Variants in VIPR2 observed in about 807,000 individuals in gnomAD.
VIPR2 encodes the protein vasoactive intestinal polypeptide receptor 2.
In VIPR2, 48 loss-of-function variants were observed where a neutral mutation model predicts 58.0. The ratio of observed to expected loss-of-function variants is 0.83; its 90% confidence interval spans 0.66 to 1.05. VIPR2 has a LOEUF of 1.05. VIPR2 is among the 50% of genes least tolerant of loss of function. The pLI, the probability that VIPR2 is intolerant of heterozygous loss-of-function variation, is 0.00. For missense variants in VIPR2, 534 were observed against 558.0 expected, an observed-to-expected ratio of 0.96 and a Z score of 0.43; for synonymous variants, 243 against 235.2, an observed-to-expected ratio of 1.03 and a Z score of -0.30.
intron 2 of VIPR2, among the ~76,000 whole-genome samples, chr7:159,132,714 C>T (rs1414575851): frequency 2.0e-5 from 3 of 152,144 alleles, no homozygotes; most frequent in Admixed American, 6.5e-5. Flanking sequence ...AACAAGGAAT[C>T]GTGAGTATCT....
At chr7:159,105,725 G>A (rs956109223) in intron 3 of VIPR2, among the ~76,000 whole-genome samples, 6 of 152,154 alleles carry the variant, frequency 3.9e-5, no homozygotes, top group African/African-American at 7.2e-5. Flanking sequence ...CCCCATACAC[G>A]GTAGAGGCAA....
At chr7:159,108,215 A>G (rs1250152470) in intron 3 of VIPR2, among the ~76,000 whole-genome samples, 1 of 152,202 alleles carries the variant, frequency 6.6e-6, no homozygotes, top group East Asian at 1.9e-4. Context: ...CTTCTGTGGT[A>G]CGATGCCAGG....
chr7:159,123,788 T>C (rs901776656), intron 2 of VIPR2, among the ~76,000 whole-genome samples: 1 of 152,236 alleles, frequency 6.6e-6, no homozygotes, highest in African/African-American at 2.4e-5. Flanking sequence ...TGTATTCCCT[T>C]TTCTCTGTAA....
At chr7:159,130,293 G>C (rs975781731) in intron 2 of VIPR2, among the ~76,000 whole-genome samples, 1 of 152,146 alleles carries the variant, frequency 6.6e-6, no homozygotes, top group East Asian at 1.9e-4. Flanking sequence ...GCTAATGAGA[G>C]ACCACCGGGC....
chr7:159,119,186 C>T (rs1428443475), intron 2 of VIPR2, among the ~76,000 whole-genome samples: 1 of 152,184 alleles, frequency 6.6e-6, no homozygotes, highest in Non-Finnish European at 1.5e-5. Context: ...CCGCAGCTCC[C>T]CGGGTGGACA....
At chr7:159,101,658 G>A (rs1359081726) in intron 4 of VIPR2, among the ~76,000 whole-genome samples, 4 of 141,416 alleles carry the variant, frequency 2.8e-5, no homozygotes, top group African/African-American at 1.1e-4. Context: ...CCGTTCCCCC[G>A]ACTGTTCCTG....
At chr7:159,101,588 C>T (rs552737839) in intron 4 of VIPR2, among the ~76,000 whole-genome samples, 14 of 132,432 alleles carry the variant, frequency 1.1e-4, no homozygotes, top group East Asian at 2.4e-4. Flanking sequence ...TCACGAGATC[C>T]GACGAGGCGG....
At chr7:159,085,498 G>C (rs1857122962) in intron 4 of VIPR2, among the ~76,000 whole-genome samples, 1 of 152,038 alleles carries the variant, frequency 6.6e-6, no homozygotes, top group Non-Finnish European at 1.5e-5. Context: ...GTTGCACCAT[G>C]TTGGTCAGGC....
At chr7:159,053,682 G>T (rs1271823767) in intron 5 of VIPR2, among the ~76,000 whole-genome samples, 2 of 152,168 alleles carry the variant, frequency 1.3e-5, no homozygotes, top group Non-Finnish European at 2.9e-5. Context: ...GGAACTGCAG[G>T]CATGTGCCAC....
intron 2 of VIPR2, among the ~76,000 whole-genome samples, chr7:159,117,663 C>A (rs1031858077): frequency 2.0e-5 from 3 of 152,230 alleles, no homozygotes; most frequent in African/African-American, 7.2e-5. Flanking sequence ...TTCAGAGTCA[C>A]CTGCCCCTAC....
At chr7:159,082,813 G>A (rs1239666502) in intron 4 of VIPR2, among the ~76,000 whole-genome samples, 3 of 152,162 alleles carry the variant, frequency 2.0e-5, no homozygotes, top group Non-Finnish European at 4.4e-5. Context: ...CAGACAAACA[G>A]ACAGATAGAC....
chr7:159,086,009 A>C (rs1037544395), intron 4 of VIPR2, among the ~76,000 whole-genome samples: 6 of 152,234 alleles, frequency 3.9e-5, no homozygotes, highest in Non-Finnish European at 8.8e-5. Flanking sequence ...GACTTCAGTT[A>C]ACAACAAGGG....
At chr7:159,144,078 A>G (rs1158222134) in intron 1 of VIPR2, among the ~76,000 whole-genome samples, 3 of 152,254 alleles carry the variant, frequency 2.0e-5, no homozygotes, top group Non-Finnish European at 4.4e-5. Context: ...TCAGTCTCCA[A>G]GAGGAAAGCA....
At chr7:159,124,947 G>T (rs1796599883) in intron 2 of VIPR2, among the ~76,000 whole-genome samples, 1 of 152,026 alleles carries the variant, frequency 6.6e-6, no homozygotes, top group Admixed American at 6.6e-5. Context: ...GGCTGTTGTT[G>T]GTATATAGAA....
At chr7:159,060,692 C>T (rs897382072) in intron 4 of VIPR2, among the ~76,000 whole-genome samples, 1 of 152,062 alleles carries the variant, frequency 6.6e-6, no homozygotes, top group Non-Finnish European at 1.5e-5. Flanking sequence ...ACTAACCTCA[C>T]TTCACCTAAC....
intron 4 of VIPR2, among the ~76,000 whole-genome samples, chr7:159,066,604 G>A (rs1190974446): frequency 2.6e-5 from 4 of 152,360 alleles, no homozygotes; most frequent in African/African-American, 9.6e-5. Flanking sequence ...TAGTTGGACA[G>A]CCTCTGCTCT....
In VIPR2 at chr7:159,086,531, T is replaced by G. The variant is rs535885424; in HGVS notation, c.357+17226A>C. The stretch of plus-strand genomic sequence containing the variant: ...CCCAGGAAGGGCTGAGGCTGGGGCC[T>G]GCATGGTTCTGCTGAGTGTTCAGGA... On this transcript the variant is annotated intron_variant, in intron 4 of 12. Transcript: ENST00000262178. Among the ~76,000 whole-genome samples the G allele has an allele frequency of 3.3e-5, 5 of 152,376 alleles. No homozygotes were observed. The South Asian group carries it at 1.0e-3, about 32-fold the overall frequency.
intron 10 of VIPR2, among the ~76,000 whole-genome samples, chr7:159,033,741 G>T (rs1239572591): frequency 1.3e-5 from 2 of 152,166 alleles, no homozygotes; most frequent in African/African-American, 4.8e-5. Flanking sequence ...ACATGGCCAT[G>T]TCTGAGGGGG....
chr7:159,140,298 G>A (rs560747834), intron 2 of VIPR2, among the ~76,000 whole-genome samples: 19 of 152,232 alleles, frequency 1.2e-4, no homozygotes, highest in African/African-American at 2.9e-4. Context: ...CTGTTGTCTC[G>A]TGGAGTCACT....
Sources: gnomAD v4.1 joint callset for allele counts (sites outside exome capture counted in the v4.1 genomes callset) on GRCh38, gnomAD v4.1.1 for gene constraint, MANE v1.5 for transcripts, NCBI Gene and HGNC (gene_info 2026-07-23, HGNC 2026-07-21) for gene names.